AGBL4: variants seen among roughly 807,000 people sequenced by gnomAD.
The protein encoded by AGBL4 is AGBL carboxypeptidase 4, also known as cytosolic carboxypeptidase 6.
In AGBL4, 58 loss-of-function variants were observed where a neutral mutation model predicts 66.4. The observed-to-expected ratio is 0.87, with a 90% CI of 0.71 to 1.09. The LOEUF is 1.09. Among genes scored for constraint, AGBL4 ranks in the 50% least tolerant of loss-of-function variants. AGBL4 has a pLI of 0.00. For missense variants in AGBL4, 579 were observed against 631.0 expected, an observed-to-expected ratio of 0.92 and a Z score of 0.88; for synonymous variants, 234 against 222.9, an observed-to-expected ratio of 1.05 and a Z score of -0.44.
At chr1:49,742,390 C>T (rs920047644) in intron 2 of AGBL4, among the ~76,000 whole-genome samples, 10 of 151,886 alleles carry the variant, frequency 6.6e-5, no homozygotes, top group South Asian at 2.1e-4. Flanking sequence ...CACTGCTCAA[C>T]GAAATAAAAG....
chr1:49,683,925 G>A (rs1185648947), intron 3 of AGBL4, among the ~76,000 whole-genome samples: 2 of 152,190 alleles, frequency 1.3e-5, no homozygotes, highest in Non-Finnish European at 2.9e-5. Context: ...TTACACTGCA[G>A]TGAAACTAAA....
chr1:49,123,221 A>G (rs1645696718), intron 4 of AGBL4, among the ~76,000 whole-genome samples: 1 of 152,192 alleles, frequency 6.6e-6, no homozygotes, highest in African/African-American at 2.4e-5. Context: ...TCTTTACAAT[A>G]TCCATTTGAG....
chr1:49,140,514 A>G (rs1646097932), intron 4 of AGBL4, among the ~76,000 whole-genome samples: 1 of 152,252 alleles, frequency 6.6e-6, no homozygotes, highest in Admixed American at 6.5e-5. Flanking sequence ...GTGCCAGGAC[A>G]GGCCAGCACA....
intron 6 of AGBL4, among the ~76,000 whole-genome samples, chr1:48,815,605 T>C (rs2148763279): frequency 6.6e-6 from 1 of 152,312 alleles, no homozygotes; most frequent in Middle Eastern, 3.4e-3. Flanking sequence ...TAAACTATAT[T>C]TAATTCCTCA....
intron 9 of AGBL4, among the ~76,000 whole-genome samples, chr1:48,591,227 G>T (rs552199007): frequency 1.3e-5 from 2 of 152,164 alleles, no homozygotes; most frequent in Admixed American, 1.3e-4. Context: ...TTCCCTCAGG[G>T]TCTGAAAGCA....
chr1:49,931,631 A>G (rs1323223567), intron 1 of AGBL4, among the ~76,000 whole-genome samples: 1 of 152,158 alleles, frequency 6.6e-6, no homozygotes, highest in Admixed American at 6.6e-5. Flanking sequence ...GGGGAATGCA[A>G]TTTGAGATGA....
At chr1:48,999,838 T>C (rs1225293453) in intron 5 of AGBL4, among the ~76,000 whole-genome samples, 1 of 152,124 alleles carries the variant, frequency 6.6e-6, no homozygotes, top group Non-Finnish European at 1.5e-5. Context: ...CAGCCCCCCT[T>C]AGACCCCATT....
intron 3 of AGBL4, among the ~76,000 whole-genome samples, chr1:49,692,675 G>A (rs186599295): frequency 9.4e-5 from 14 of 149,686 alleles, no homozygotes; most frequent in Non-Finnish European, 1.5e-4. Flanking sequence ...CCAAGATCGC[G>A]CCACTGCACT....
At chr1:49,610,449 T>A (rs1347935173) in intron 3 of AGBL4, among the ~76,000 whole-genome samples, 1 of 152,170 alleles carries the variant, frequency 6.6e-6, no homozygotes, top group Non-Finnish European at 1.5e-5. Flanking sequence ...ATTGGCACAG[T>A]GCTGCATGGA....
At chr1:48,537,828 T>A (rs1374292026) in intron 12 of AGBL4, among the ~76,000 whole-genome samples, 2 of 152,230 alleles carry the variant, frequency 1.3e-5, no homozygotes, top group African/African-American at 4.8e-5. Context: ...TTAAGAACTT[T>A]AACCAATCAC....
chr1:49,896,801 A>G (rs1649267258), intron 1 of AGBL4, among the ~76,000 whole-genome samples: 1 of 152,110 alleles, frequency 6.6e-6, no homozygotes, highest in Non-Finnish European at 1.5e-5. Context: ...AGGATGGTTC[A>G]GCATATGCAA....
chr1:49,831,018 A>C (rs1029546195), intron 2 of AGBL4, among the ~76,000 whole-genome samples: 1 of 151,932 alleles, frequency 6.6e-6, no homozygotes, highest in African/African-American at 2.4e-5. Context: ...TAGCTTTGTA[A>C]TATATTTTGA....
intron 5 of AGBL4, among the ~76,000 whole-genome samples, chr1:49,028,584 T>A (rs1158204905): frequency 6.6e-6 from 1 of 152,166 alleles, no homozygotes; most frequent in Non-Finnish European, 1.5e-5. Context: ...AGAAAAGTGA[T>A]TCATCACCTA....
intron 2 of AGBL4, among the ~76,000 whole-genome samples, chr1:49,785,911 T>C (rs1484660826): frequency 6.7e-6 from 1 of 148,624 alleles, no homozygotes; most frequent in Non-Finnish European, 1.5e-5. Flanking sequence ...TATATATATA[T>C]ATATATTTCC....
At chr1:49,747,343 T>G (rs1376289459) in intron 2 of AGBL4, among the ~76,000 whole-genome samples, 1 of 152,114 alleles carries the variant, frequency 6.6e-6, no homozygotes, top group Admixed American at 6.6e-5. Flanking sequence ...CACGAAATTT[T>G]CTCAGCAACA....
At chr1:48,840,650 A>C (rs928966153) in intron 6 of AGBL4, among the ~76,000 whole-genome samples, 110 of 152,254 alleles carry the variant, frequency 7.2e-4, no homozygotes, top group African/African-American at 2.6e-3. Flanking sequence ...AAGGATGCAG[A>C]GTAACCAGAA....
At chr1:48,855,651 T>C (rs1647131755) in intron 6 of AGBL4, among the ~76,000 whole-genome samples, 1 of 152,136 alleles carries the variant, frequency 6.6e-6, no homozygotes, top group Non-Finnish European at 1.5e-5. Flanking sequence ...AGTAAAAAAC[T>C]AATATAAAAA....
At chr1:48,601,863 A>G (rs1645078181) in intron 9 of AGBL4, among the ~76,000 whole-genome samples, 1 of 152,252 alleles carries the variant, frequency 6.6e-6, no homozygotes, top group East Asian at 1.9e-4. Flanking sequence ...AAGTGCACAC[A>G]GATACAAGTA....
In AGBL4 at chr1:48,745,439, G is replaced by A. The variant is rs75757124; in HGVS notation, c.635-82198C>T. Among the ~76,000 whole-genome samples, 122 of 152,272 alleles carry A rather than the reference G, an allele frequency of 8.0e-4. 4 individuals are homozygous for A. The East Asian group carries it at 0.02, about 25-fold the overall frequency. On this transcript the variant is annotated intron_variant, in intron 6 of 13. Coordinates refer to ENST00000371839, the MANE Select transcript of AGBL4 (RefSeq NM_032785.4). ...CACTGTCTACAGAGGGACAGCTAAC[G>A]GACATCAGAGGGAGCAGGGGTTGAA...
Sources: gnomAD v4.1 joint callset for allele counts (sites outside exome capture counted in the v4.1 genomes callset) on GRCh38, gnomAD v4.1.1 for gene constraint, MANE v1.5 for transcripts, NCBI Gene and HGNC (gene_info 2026-07-23, HGNC 2026-07-21) for gene names.